The following PIK3R5 variants were observed in gnomAD, a reference collection of about 807,000 sequenced individuals.
The protein encoded by PIK3R5 is phosphoinositide-3-kinase regulatory subunit 5, also known as phosphoinositide 3-kinase regulatory subunit 5.
A neutral mutation model predicts 94.9 loss-of-function variants in PIK3R5; 32 were observed. The observed-to-expected ratio is 0.34, with a 90% CI of 0.25 to 0.45. PIK3R5 has a LOEUF of 0.45. Among genes scored for constraint, PIK3R5 ranks in the 20% least tolerant of loss-of-function variants. The pLI is 1.00. For missense variants in PIK3R5, 853 were observed against 1,144.6 expected (o/e 0.75, Z 3.68); for synonymous variants, 443 against 479.4 (o/e 0.92, Z 0.99).
rs1488218614 is a variant in PIK3R5, at chr17:8,955,929, T to C, written c.-14+9667A>G. On this transcript the variant is annotated intron_variant, in intron 1 of 18. Coordinates refer to ENST00000447110, the MANE Select transcript of PIK3R5 (RefSeq NM_001142633.3). This position sits in a 1 kb window ranked among gnomAD's most constrained non-coding sequence, Gnocchi z 4.4. The stretch of plus-strand genomic sequence containing the variant: ...GCATGTACTTGGAGGCCGAAGCAGG[T>C]AGATCACTTGAGCCCAGGAGTTTGA... 1.3e-5 allele frequency among the ~76,000 whole-genome samples: 2 copies of C among 152,044 alleles called. No homozygotes were observed. The highest frequency in any genetic ancestry group is 2.9e-5 in the Non-Finnish European group (2 of 68,004).
At position 8,880,769 on chromosome 17, in the gene PIK3R5, C is replaced by T. The variant is rs2089634148; in HGVS notation, c.2513G>A (p.Cys838Tyr). 2 of 1,613,490 alleles carry T rather than the reference C, an allele frequency of 1.2e-6. No homozygotes were observed. Among genetic ancestry groups the T allele is most frequent in the Admixed American group, 1.7e-5 (1 of 59,946 alleles). The part of the protein sequence containing the change: ...QSVVRCEVSP[C>Y]YKPEKSDLSS... ...GAGGTCGCTCTTCTCTGGCTTGTAG[C>T]ACGGTGAGACCTCACATCTGTGCAG... Residue 838 changes from cysteine to tyrosine, a missense_variant, in exon 19 of 19, where the codon TGC becomes TAC. By Grantham distance (194) the Cys-to-Tyr change is radical. Around this residue, in one of 6 missense-constraint regions of PIK3R5, gnomAD observed 91 missense variants for 90.5 expected, o/e 1.01. Transcript: ENST00000447110.
At chr17:8,931,371 T>A (rs879492854) in intron 1 of PIK3R5, among the ~76,000 whole-genome samples, 4 of 152,132 alleles carry the variant, frequency 2.6e-5, no homozygotes, top group Non-Finnish European at 5.9e-5. Context: ...CCTCCCTCCA[T>A]GAACAATTAT....
chr17:8,889,311 A>G lies in PIK3R5; in HGVS notation c.812-89T>C. ...GTCCCCTTGCCTTGGAGAAGAGACC[A>G]GAGATGGGACAGGATCGGCACAAGG... On this transcript the variant is annotated intron_variant, in intron 8 of 18. Coordinates refer to ENST00000447110, the MANE Select transcript of PIK3R5 (RefSeq NM_001142633.3). This position sits in a 1 kb window ranked among gnomAD's most constrained non-coding sequence, Gnocchi z 4.1. 1 of 932,106 alleles carries G rather than the reference A, an allele frequency of 1.1e-6. No individual in the cohort carries two copies. Among genetic ancestry groups the G allele is most frequent in the Non-Finnish European group, 1.7e-6 (1 of 603,218 alleles). 57.7% of individuals were successfully genotyped at this position (932,106 alleles called of 1,614,324 possible).
Position 8,881,067 on chromosome 17 carries a change from C to A in PIK3R5, c.2383-50G>T. On this transcript the variant is annotated intron_variant, in intron 17 of 18. Coordinates refer to ENST00000447110, the MANE Select transcript of PIK3R5 (RefSeq NM_001142633.3). The surrounding 1 kb of genome is among the most constrained non-coding windows in gnomAD (Gnocchi z 4.8). ...CCAAATCCCTGGCCATCCAACACTG[C>A]CAGCCCCTGGCAGTTCCTTTTCTCA... 7.3e-7 allele frequency: 1 copy of A among 1,364,596 alleles called. No homozygotes were observed. The highest frequency in any genetic ancestry group is 1.1e-6 in the Non-Finnish European group (1 of 952,112). 84.5% of individuals were successfully genotyped at this position (1,364,596 alleles called of 1,614,324 possible). A position where few individuals can be genotyped will look rare whatever the true frequency, so the allele number is the denominator to read the frequency against.
intron 1 of PIK3R5, among the ~76,000 whole-genome samples, chr17:8,924,844 G>A (rs1482518667): frequency 6.6e-6 from 1 of 152,162 alleles, no homozygotes; most frequent in Non-Finnish European, 1.5e-5. Flanking sequence ...GGCCAGGTGT[G>A]GTTTTTACAA....
rs989388060 is a variant in PIK3R5 at position 8,911,619 on chromosome 17, A to G, written c.-13-112T>C. ...GCAGCGCGATCAGCCCAGCCCAGCT[A>G]TAGCTCAGGTGCTGTGGAAACAGGA... On this transcript the variant is annotated intron_variant, in intron 1 of 18. Transcript: ENST00000447110. The surrounding 1 kb of genome is among the most constrained non-coding windows in gnomAD (Gnocchi z 5.3). 1.3e-5 allele frequency: 9 copies of G among 675,996 alleles called. No individual in the cohort carries two copies. In the African/African-American group the frequency reaches 1.4e-4, roughly 11 times the overall value. The allele number at this position is 675,996 out of a possible 1,614,324, so 41.9% of individuals were successfully genotyped here. A position where few individuals can be genotyped will look rare whatever the true frequency, so the allele number is the denominator to read the frequency against.
At chr17:8,899,184 T>C (rs547129116) in intron 5 of PIK3R5, among the ~76,000 whole-genome samples, 308 of 152,324 alleles carry the variant, frequency 2.0e-3, no homozygotes, top group African/African-American at 7.1e-3. Context: ...CCTCCAGAAT[T>C]GAGGCACTGG....
intron 1 of PIK3R5, among the ~76,000 whole-genome samples, chr17:8,957,783 G>C (rs747162900): frequency 2.0e-5 from 3 of 152,190 alleles, no homozygotes; most frequent in Non-Finnish European, 4.4e-5. Context: ...CTGAGGAAGA[G>C]AGAAGAGAAG....
At chr17:8,917,634 C>T (rs929523364) in intron 1 of PIK3R5, among the ~76,000 whole-genome samples, 11 of 152,126 alleles carry the variant, frequency 7.2e-5, no homozygotes, top group African/African-American at 1.4e-4. Flanking sequence ...GGGAGGCCAA[C>T]GCGGGTGGAT....
rs923396397 is a variant in PIK3R5 at position 8,890,228 on chromosome 17, C to T, written c.658-102G>A. 2 of 1,232,878 alleles carry T rather than the reference C, an allele frequency of 1.6e-6. No homozygotes were observed. The highest frequency in any genetic ancestry group is 2.7e-5 in the South Asian group (2 of 74,750). 76.4% of individuals were successfully genotyped at this position (1,232,878 alleles called of 1,614,324 possible). On this transcript the variant is annotated intron_variant, in intron 7 of 18. Coordinates refer to ENST00000447110, the MANE Select transcript of PIK3R5 (RefSeq NM_001142633.3). The surrounding 1 kb of genome is among the most constrained non-coding windows in gnomAD (Gnocchi z 6.1). ...TACTGAGGGAGGCAGTGATCTGTCC[C>T]CTCCCAGCCTCATCACCCATCTCCT...
chr17:8,891,948 G>A (rs1371396676), intron 6 of PIK3R5, among the ~76,000 whole-genome samples: 1 of 152,110 alleles, frequency 6.6e-6, no homozygotes, highest in Non-Finnish European at 1.5e-5. Flanking sequence ...AGAATCGTGG[G>A]CTCTGAGGCG....
Position 8,880,789 on chromosome 17 carries a change from G to A in PIK3R5, c.2496-3C>T. 6.2e-7 allele frequency: 1 copy of A among 1,613,216 alleles called. No homozygotes were observed. The highest frequency in any genetic ancestry group is 1.1e-5 in the South Asian group (1 of 91,010). On this transcript the variant is annotated splice_polypyrimidine_tract_variant and splice_region_variant and intron_variant, in intron 18 of 18. Transcript: ENST00000447110. ...TGTAGCACGGTGAGACCTCACATCT[G>A]TGCAGCAGGGCAGGGGCCAGGGATC...
chr17:8,918,931 T>C (rs1480988380), intron 1 of PIK3R5, among the ~76,000 whole-genome samples: 2 of 152,180 alleles, frequency 1.3e-5, no homozygotes, highest in Non-Finnish European at 2.9e-5. Context: ...CAAAAACACA[T>C]AACTACAATC....
rs1298718164 is a variant in PIK3R5, at chr17:8,888,047, T to TAATAAA, written c.1616+123_1616+124insTTTATT. Reference sequence around the variant, plus strand: ...ATAATAATAATAATAATAATAATAATAAAATAAAAATAAATAAGGGAACTT... The same window carrying TAATAAA: ...ATAATAATAATAATAATAATAATAATAATAAAAAAATAAAAATAAATAAGGGAACTT... On this transcript the variant is annotated intron_variant, in intron 10 of 18. Transcript: ENST00000447110. This position sits in a 1 kb window ranked among gnomAD's most constrained non-coding sequence, Gnocchi z 7.8. The TAATAAA allele has an allele frequency of 8.0e-4, 244 of 304,482 alleles. 1 individual carries two copies. The highest frequency in any genetic ancestry group is 1.1e-3 in the Non-Finnish European group (190 of 173,730). The allele number at this position is 304,482 out of a possible 1,614,324, so 18.9% of individuals were successfully genotyped here. A position where few individuals can be genotyped will look rare whatever the true frequency, so the allele number is the denominator to read the frequency against.
chr17:8,902,907 T>C (rs2090319300), intron 5 of PIK3R5, among the ~76,000 whole-genome samples: 1 of 151,266 alleles, frequency 6.6e-6, no homozygotes, highest in Admixed American at 6.6e-5. Flanking sequence ...TGCAATGGTG[T>C]GATCTCGGAG....
At chr17:8,950,332 T>G (rs1356909088) in intron 1 of PIK3R5, among the ~76,000 whole-genome samples, 1 of 152,234 alleles carries the variant, frequency 6.6e-6, no homozygotes, top group African/African-American at 2.4e-5. Context: ...CGATTGTAAG[T>G]ATTTTTTTAA....
At chr17:8,903,220 T>A (rs951870763) in intron 5 of PIK3R5, among the ~76,000 whole-genome samples, 2 of 152,108 alleles carry the variant, frequency 1.3e-5, no homozygotes, top group South Asian at 2.1e-4. Flanking sequence ...AATGACTGAT[T>A]TTTTCATCAG....
intron 1 of PIK3R5, among the ~76,000 whole-genome samples, chr17:8,921,977 A>C (rs2151429345): frequency 6.6e-6 from 1 of 152,344 alleles, no homozygotes; most frequent in South Asian, 2.1e-4. Flanking sequence ...CAGAGTGAAA[A>C]GGCAAGCCAT....
At position 8,887,542 on chromosome 17, in the gene PIK3R5, G is replaced by GGA; in HGVS notation, c.1756_1757dup (p.Arg588LeufsTer52). 6.2e-7 allele frequency: 1 copy of GGA among 1,607,632 alleles called. No individual in the cohort carries two copies. Among genetic ancestry groups the GGA allele is most frequent in the Non-Finnish European group, 8.5e-7 (1 of 1,177,324 alleles). On this transcript the variant is annotated frameshift_variant, in exon 11 of 19. Coordinates refer to ENST00000447110, the MANE Select transcript of PIK3R5 (RefSeq NM_001142633.3). LOFTEE classifies it high-confidence loss of function. The stretch of plus-strand genomic sequence containing the variant: ...ATACTCCAGGGCTGGCGTGCCTAGG[G>GGA]GAGTCTGTCGGGGGTGAGGGCGTCT...
Sources: gnomAD v4.1 joint callset for allele counts (sites outside exome capture counted in the v4.1 genomes callset) on GRCh38, gnomAD v4.1.1 for gene constraint, gnomAD v4.1.1 regional missense constraint, Gnocchi (gnomAD v3.1) non-coding constraint, MANE v1.5 for transcripts, NCBI Gene and HGNC (gene_info 2026-07-23, HGNC 2026-07-21) for gene names.